Variants in MORC3 observed in about 807,000 individuals in gnomAD.
The protein encoded by MORC3 is MORC family CW-type zinc finger protein 3.
A neutral mutation model predicts 109.1 loss-of-function variants in MORC3; 31 were observed. That is an observed-to-expected ratio of 0.28 (90% CI 0.21 to 0.38). The LOEUF (loss-of-function observed/expected upper bound fraction) is 0.38. Among genes scored for constraint, MORC3 ranks in the 10% least tolerant of loss-of-function variants. MORC3 has a pLI of 1.00. For synonymous variants in MORC3, 395 were observed against 380.7 expected (o/e 1.04, Z -0.44); for missense variants, 867 against 1,135.8 (o/e 0.76, Z 3.40).
At chr21:36,322,456 C>A (rs562313642) in intron 1 of MORC3, among the ~76,000 whole-genome samples, 3 of 152,258 alleles carry the variant, frequency 2.0e-5, no homozygotes, top group Admixed American at 6.5e-5. Flanking sequence ...ACTGCAGCCT[C>A]CACCTCCCGG....
At position 36,368,868 on chromosome 21, in the gene MORC3, C is replaced by G. The variant is rs904106943; in HGVS notation, c.1620-120C>G. ...CTCTAGCCTGGGCGACAGAGTGACA[C>G]TCCATCTCAAAAAACAAAAAAACTG... On this transcript the variant is annotated intron_variant, in intron 14 of 16. Transcript: ENST00000400485. The G allele has an allele frequency of 9.7e-6, 9 of 923,822 alleles. 1 individual carries two copies. The highest frequency in any genetic ancestry group is 3.4e-4 in the Middle Eastern group (1 of 2,914). 57.2% of individuals were successfully genotyped at this position (923,822 alleles called of 1,614,324 possible). A position where few individuals can be genotyped will look rare whatever the true frequency, so the allele number is the denominator to read the frequency against.
At chr21:36,343,641 G>A (rs751240593) in intron 6 of MORC3, among the ~76,000 whole-genome samples, 4 of 150,444 alleles carry the variant, frequency 2.7e-5, no homozygotes, top group Non-Finnish European at 4.4e-5. Context: ...TAGAGACAGG[G>A]TTTCACTATG....
intron 10 of MORC3, among the ~76,000 whole-genome samples, chr21:36,357,449 G>A (rs117214495): frequency 0.025 from 3,762 of 151,922 alleles, 66 homozygotes; most frequent in Admixed American, 0.046. Context: ...TATACAGGTG[G>A]GGTCTCCCTG....
chr21:36,341,291 C>T lies in MORC3; in HGVS notation c.609-108C>T, dbSNP rs943293345. The T allele has an allele frequency of 6.7e-6, 7 of 1,038,338 alleles. No homozygotes were observed. The African/African-American group carries it at 1.1e-4, about 17-fold the overall frequency. The allele number at this position is 1,038,338 out of a possible 1,614,324, so 64.3% of individuals were successfully genotyped here. A position where few individuals can be genotyped will look rare whatever the true frequency, so the allele number is the denominator to read the frequency against. ...CCCCCAACCCCCCACTGACGTGCAC[C>T]ATGTGTAGGTTTATTTATTTGCTTA... On this transcript the variant is annotated intron_variant, in intron 5 of 16. Transcript: ENST00000400485.
intron 14 of MORC3, among the ~76,000 whole-genome samples, chr21:36,365,556 G>A (rs538663016): frequency 1.4e-3 from 218 of 152,118 alleles, no homozygotes; most frequent in Admixed American, 4.7e-3. Context: ...AATCAAAGAG[G>A]GCATATTCTA....
intron 1 of MORC3, among the ~76,000 whole-genome samples, chr21:36,328,174 G>C (rs1346854543): frequency 6.6e-6 from 1 of 151,956 alleles, no homozygotes; most frequent in Non-Finnish European, 1.5e-5. Flanking sequence ...ACCACGCCCA[G>C]CTGTCCTATA....
Position 36,375,955 on chromosome 21 carries a change from T to C in MORC3, c.*659T>C, listed in dbSNP as rs968616427. 6.6e-6 allele frequency: 1 copy of C among 152,220 alleles called. No homozygotes were observed. The highest frequency in any genetic ancestry group is 2.4e-5 in the African/African-American group (1 of 41,464). The allele number at this position is 152,220 out of a possible 1,614,324, so 9.4% of individuals were successfully genotyped here. A position where few individuals can be genotyped will look rare whatever the true frequency, so the allele number is the denominator to read the frequency against. On this transcript the variant is annotated 3_prime_UTR_variant, in exon 17 of 17. Transcript: ENST00000400485. ...TTTTATAGAATGAAGAAACAGTCTTTAACAGAAAAAAGGTATTGAAATATT... is the reference window on the plus strand; with the variant it reads ...TTTTATAGAATGAAGAAACAGTCTTCAACAGAAAAAAGGTATTGAAATATT...
At chr21:36,320,347 CGGGCGGGCAAGCGAAGGG>C in intron 1 of MORC3, 44 bp downstream of exon 1, 2 of 868,852 alleles carry the variant, frequency 2.3e-6, no homozygotes, top group Non-Finnish European at 3.1e-6. Flanking sequence ...CCCAGGAGGG[CGGGCGGGCAAGCGAAGGG>C]GGGCCGGCAG....
At chr21:36,343,439 T>G (rs2085473380) in intron 6 of MORC3, among the ~76,000 whole-genome samples, 1 of 140,132 alleles carries the variant, frequency 7.1e-6, no homozygotes. Context: ...TGATACTAAC[T>G]TTTTGCTTTC....
intron 6 of MORC3, among the ~76,000 whole-genome samples, chr21:36,343,198 G>T (rs1392798909): frequency 1.4e-5 from 2 of 146,372 alleles, no homozygotes; most frequent in African/African-American, 5.0e-5. Flanking sequence ...TGGGTTCAAG[G>T]GATTCTTCTG....
intron 9 of MORC3, among the ~76,000 whole-genome samples, chr21:36,353,747 ATTTTTGTATTTTT>A (rs1276383025): frequency 0.043 from 2,790 of 65,504 alleles, 68 homozygotes; most frequent in Admixed American, 0.095. Flanking sequence ...AGCCCGGCTA[ATTTTTGTATTTTT>A]TTTTTTTTTT....
intron 8 of MORC3, among the ~76,000 whole-genome samples, chr21:36,346,310 C>T (rs989229007): frequency 2.0e-5 from 3 of 152,188 alleles, no homozygotes; most frequent in African/African-American, 4.8e-5. Flanking sequence ...TGAGGCAATG[C>T]GCTCGGCCTA....
chr21:36,348,765 A>G (rs2085540357), intron 8 of MORC3, among the ~76,000 whole-genome samples: 1 of 152,186 alleles, frequency 6.6e-6, no homozygotes, highest in Non-Finnish European at 1.5e-5. Context: ...CTAAATGGAT[A>G]CTTGTCAACA....
At chr21:36,354,323 C>CTTTCTT (rs1555908408) in intron 9 of MORC3, among the ~76,000 whole-genome samples, 1 of 113,646 alleles carries the variant, frequency 8.8e-6, no homozygotes, top group African/African-American at 3.4e-5. Context: ...TTCTTTCTTT[C>CTTTCTT]TTTTTTTTTT....
intron 8 of MORC3, among the ~76,000 whole-genome samples, chr21:36,347,040 G>A (rs1387405667): frequency 2.6e-5 from 4 of 151,514 alleles, no homozygotes; most frequent in Admixed American, 2.0e-4. Context: ...AGAAATTGGG[G>A]CAAATAACAA....
At position 36,359,883 on chromosome 21, in the gene MORC3, G is replaced by A. The variant is rs1288531510; in HGVS notation, c.1209-72G>A. 14 of 1,559,492 alleles carry A rather than the reference G, an allele frequency of 9.0e-6. No homozygotes were observed. The South Asian group carries it at 1.6e-4, about 18-fold the overall frequency. On this transcript the variant is annotated intron_variant, in intron 10 of 16. Transcript: ENST00000400485. Reference sequence around the variant, plus strand: ...AATAATGGCATCTTGTGGTAGAAATGATGTGGAACATCTGATGAAGTATTT... The same window carrying A: ...AATAATGGCATCTTGTGGTAGAAATAATGTGGAACATCTGATGAAGTATTT...
At chr21:36,353,867 G>A (rs1189794677) in intron 9 of MORC3, among the ~76,000 whole-genome samples, 1 of 141,504 alleles carries the variant, frequency 7.1e-6, no homozygotes, top group Non-Finnish European at 1.5e-5. Flanking sequence ...CAAAGTGCTG[G>A]GATTACAGGT....
At chr21:36,366,087 A>G (rs981458504) in intron 14 of MORC3, among the ~76,000 whole-genome samples, 1 of 152,190 alleles carries the variant, frequency 6.6e-6, no homozygotes, top group African/African-American at 2.4e-5. Context: ...TTACATGGGT[A>G]TATGGCGTGA....
rs2050192567 is a variant in MORC3, at chr21:36,375,325, G to T, written c.*29G>T. On this transcript the variant is annotated 3_prime_UTR_variant, in exon 17 of 17. Coordinates refer to ENST00000400485, the MANE Select transcript of MORC3 (RefSeq NM_015358.3). ...ATATGTTATGTAAGATAAAATATTT[G>T]CTCAATTCTTTTGGTTGTACAGCTT... 6.4e-7 allele frequency: 1 copy of T among 1,573,308 alleles called. No homozygotes were observed. The highest frequency in any genetic ancestry group is 8.7e-7 in the Non-Finnish European group (1 of 1,153,558).
Sources: gnomAD v4.1 joint callset for allele counts (sites outside exome capture counted in the v4.1 genomes callset) on GRCh38, gnomAD v4.1.1 for gene constraint, MANE v1.5 for transcripts, NCBI Gene and HGNC (gene_info 2026-07-23, HGNC 2026-07-21) for gene names.